The following DLGAP2 variants were observed in gnomAD, a reference collection of about 807,000 sequenced individuals.
DLGAP2 encodes the protein disks large-associated protein 2.
In DLGAP2, 26 loss-of-function variants were observed where a neutral mutation model predicts 100.3. The observed-to-expected ratio is 0.26, with a 90% CI of 0.19 to 0.36. The LOEUF is 0.36. Among genes scored for constraint, DLGAP2 ranks in the 10% least tolerant of loss-of-function variants. DLGAP2 has a pLI of 1.00. For missense variants in DLGAP2, 1,858 were observed against 1,453.2 expected (o/e 1.28, Z -4.53); for synonymous variants, 886 against 630.1 (o/e 1.41, Z -6.08).
chr8:778,833 G>T (rs1176380731), intron 1 of DLGAP2, among the ~76,000 whole-genome samples: 8 of 152,246 alleles, frequency 5.3e-5, no homozygotes, highest in Non-Finnish European at 8.8e-5. Flanking sequence ...AGCCTACAGA[G>T]GCAGGCAGGC....
intron 2 of DLGAP2, among the ~76,000 whole-genome samples, chr8:1,254,708 C>T (rs535138205): frequency 6.6e-5 from 10 of 152,306 alleles, no homozygotes; most frequent in African/African-American, 2.2e-4. Flanking sequence ...TAGCTCTTCT[C>T]AGGATGAGAC....
chr8:1,412,604 C>G (rs1364160334), intron 3 of DLGAP2, among the ~76,000 whole-genome samples: 1 of 152,206 alleles, frequency 6.6e-6, no homozygotes, highest in East Asian at 1.9e-4. Context: ...CCCTCTCTGC[C>G]TCAGTGTCCT....
intron 3 of DLGAP2, among the ~76,000 whole-genome samples, chr8:1,488,081 C>G (rs1324275200): frequency 6.6e-6 from 1 of 152,194 alleles, no homozygotes; most frequent in Non-Finnish European, 1.5e-5. Context: ...CAGTTTCAAG[C>G]TGTGGCATAT....
chr8:1,382,697 G>A (rs1348148650), intron 3 of DLGAP2, among the ~76,000 whole-genome samples: 2 of 152,212 alleles, frequency 1.3e-5, no homozygotes, highest in South Asian at 2.1e-4. Flanking sequence ...AGCCATGATC[G>A]TGCCGCTGCA....
At chr8:1,362,250 G>A (rs1044001145) in intron 3 of DLGAP2, among the ~76,000 whole-genome samples, 3 of 152,034 alleles carry the variant, frequency 2.0e-5, no homozygotes, top group South Asian at 2.1e-4. Context: ...TCCCCACAGT[G>A]GCAGCTCCAC....
chr8:1,704,002 G>C lies in DLGAP2; in HGVS notation c.*2596G>C, dbSNP rs1490500274. 1 of 152,600 alleles carries C rather than the reference G, an allele frequency of 6.6e-6. No individual in the cohort carries two copies. The highest frequency in any genetic ancestry group is 1.5e-5 in the Non-Finnish European group (1 of 68,040). 9.5% of individuals were successfully genotyped at this position (152,600 alleles called of 1,614,324 possible). ...TTACCTGTCCGTGTTACATAATCAA[G>C]TGCAATATACTCAGTTCTCATGCAG... On this transcript the variant is annotated 3_prime_UTR_variant, in exon 15 of 15. Transcript: ENST00000637795.
At chr8:1,572,132 GC>G in intron 6 of DLGAP2, among the ~76,000 whole-genome samples, 1 of 136,794 alleles carries the variant, frequency 7.3e-6, no homozygotes, top group African/African-American at 2.8e-5. Context: ...AACTGGAGGG[GC>G]ATCTTCTGGG....
chr8:1,614,811 A>T (rs1198498114), intron 6 of DLGAP2, among the ~76,000 whole-genome samples: 1 of 152,242 alleles, frequency 6.6e-6, no homozygotes, highest in East Asian at 1.9e-4. Context: ...GACAGCCATG[A>T]ACTGTGGAGC....
At chr8:1,594,720 G>A (rs1005717071) in intron 6 of DLGAP2, among the ~76,000 whole-genome samples, 13 of 152,052 alleles carry the variant, frequency 8.5e-5, no homozygotes, top group South Asian at 2.1e-4. Flanking sequence ...CACCGCGCCC[G>A]GCCAGGTCAC....
intron 6 of DLGAP2, among the ~76,000 whole-genome samples, chr8:1,590,890 G>T (rs1162723858): frequency 6.6e-6 from 1 of 152,188 alleles, no homozygotes; most frequent in East Asian, 1.9e-4. Context: ...CCAGGGACTG[G>T]TGGATCTCTA....
At chr8:865,729 T>C (rs1797482062) in intron 1 of DLGAP2, among the ~76,000 whole-genome samples, 1 of 152,232 alleles carries the variant, frequency 6.6e-6, no homozygotes, top group Admixed American at 6.5e-5. Context: ...CGCTGTGAGC[T>C]GCGTGGATGT....
At chr8:764,269 G>A (rs1041779940) in intron 1 of DLGAP2, among the ~76,000 whole-genome samples, 1 of 152,184 alleles carries the variant, frequency 6.6e-6, no homozygotes, top group Non-Finnish European at 1.5e-5. Flanking sequence ...GTGAGGAAGT[G>A]TGGGGTACAA....
At chr8:1,135,500 T>TG (rs1181592604) in intron 2 of DLGAP2, among the ~76,000 whole-genome samples, 12 of 113,180 alleles carry the variant, frequency 1.1e-4, no homozygotes, top group East Asian at 2.6e-4. Context: ...GGTTTTTTTG[T>TG]GGGTTTTTTT....
At chr8:1,477,546 G>A (rs1798970167) in intron 3 of DLGAP2, among the ~76,000 whole-genome samples, 1 of 152,144 alleles carries the variant, frequency 6.6e-6, no homozygotes. Context: ...CCTGAGAGCC[G>A]GCAGCCCGGT....
At chr8:1,352,665 C>A (rs544595165) in intron 3 of DLGAP2, among the ~76,000 whole-genome samples, 3 of 152,194 alleles carry the variant, frequency 2.0e-5, no homozygotes, top group African/African-American at 7.2e-5. Context: ...CTGACTGGGG[C>A]GTGGCTGGCC....
intron 3 of DLGAP2, among the ~76,000 whole-genome samples, chr8:1,330,372 T>C (rs1801123841): frequency 7.3e-6 from 1 of 136,088 alleles, no homozygotes; most frequent in Non-Finnish European, 1.6e-5. Flanking sequence ...GACTGAGTTC[T>C]GGGTGGGAGC....
intron 2 of DLGAP2, among the ~76,000 whole-genome samples, chr8:1,012,951 A>G (rs1247740937): frequency 6.6e-6 from 1 of 152,052 alleles, no homozygotes; most frequent in Non-Finnish European, 1.5e-5. Flanking sequence ...CTGCAAACAG[A>G]GGGGGTCCCT....
chr8:1,484,154 C>G (rs756089231), intron 3 of DLGAP2, among the ~76,000 whole-genome samples: 3 of 152,210 alleles, frequency 2.0e-5, no homozygotes, highest in Admixed American at 1.3e-4. Context: ...AGGGCAGGCC[C>G]TCCAGGTGCC....
At chr8:958,581 CCAA>C (rs1189491621) in intron 2 of DLGAP2, among the ~76,000 whole-genome samples, 325 of 78,024 alleles carry the variant, frequency 4.2e-3, no homozygotes, top group Middle Eastern at 0.011. Context: ...AACTAGACCT[CCAA>C]AAAAAAAAAA....
Sources: gnomAD v4.1 joint callset for allele counts (sites outside exome capture counted in the v4.1 genomes callset) on GRCh38, gnomAD v4.1.1 for gene constraint, MANE v1.5 for transcripts, NCBI Gene and HGNC (gene_info 2026-07-23, HGNC 2026-07-21) for gene names.